The following PCSK7 variants were observed in gnomAD, a reference collection of about 807,000 sequenced individuals.
PCSK7 encodes lymphoma proprotein convertase.
A neutral mutation model predicts 73.3 loss-of-function variants in PCSK7; 38 were observed. The observed-to-expected ratio is 0.52, with a 90% CI of 0.40 to 0.68. The LOEUF (loss-of-function observed/expected upper bound fraction) is 0.68. Among genes scored for constraint, PCSK7 ranks in the 30% least tolerant of loss-of-function variants. The pLI, the probability that PCSK7 is intolerant of heterozygous loss-of-function variation, is 0.00. For missense variants in PCSK7, 692 were observed against 991.5 expected (o/e 0.70, Z 4.06); for synonymous variants, 296 against 383.8 (o/e 0.77, Z 2.68).
intron 4 of PCSK7, among the ~76,000 whole-genome samples, chr11:117,227,733 G>A (rs956321315): frequency 1.3e-5 from 2 of 152,098 alleles, no homozygotes; most frequent in Non-Finnish European, 2.9e-5. Context: ...GAGCCACCGC[G>A]CCCGGACCCA....
chr11:117,213,184 A>G (rs2031808215), intron 12 of PCSK7: 1 of 152,258 alleles, frequency 6.6e-6, no homozygotes, highest in South Asian at 2.1e-4. Context: ...GAAGGCAGGA[A>G]TAGTGTCTTA....
intron 1 of PCSK7, among the ~76,000 whole-genome samples, chr11:117,231,493 AG>A (rs1355258058): frequency 6.6e-6 from 1 of 152,194 alleles, no homozygotes; most frequent in Non-Finnish European, 1.5e-5. Context: ...TGGCCCCGCT[AG>A]GCAGACTCCT....
Position 117,224,221 on chromosome 11 carries a change from G to C in PCSK7, c.916-5C>G. ...CACCCCATGTTGTAAGGCAGCCTGA[G>C]GAGCCAAAACATCAGGGTGTCAGTT... is the stretch of plus-strand genomic sequence containing the variant. On this transcript the variant is annotated splice_polypyrimidine_tract_variant and splice_region_variant and intron_variant, in intron 7 of 16. Coordinates refer to ENST00000320934, the MANE Select transcript of PCSK7 (RefSeq NM_004716.4). The C allele has an allele frequency of 1.2e-6, 2 of 1,614,044 alleles. No homozygotes were observed. The highest frequency in any genetic ancestry group is 1.7e-6 in the Non-Finnish European group (2 of 1,179,952).
intron 12 of PCSK7, chr11:117,212,902 G>A (rs1317345325): frequency 6.6e-6 from 1 of 152,084 alleles, no homozygotes; most frequent in Non-Finnish European, 1.5e-5. Context: ...TTTTTGTAGA[G>A]ACAAGGTTTT....
chr11:117,229,343 C>A, intron 3 of PCSK7, 34 bp downstream of exon 3: 1 of 1,518,288 alleles, frequency 6.6e-7, no homozygotes, highest in Non-Finnish European at 9.0e-7. Context: ...GGAACCTACC[C>A]ACCTGAAACT....
intron 3 of PCSK7, among the ~76,000 whole-genome samples, chr11:117,228,703 C>A (rs2032525315): frequency 6.6e-6 from 1 of 150,906 alleles, no homozygotes; most frequent in Non-Finnish European, 1.5e-5. Flanking sequence ...TCACTGCAAG[C>A]TCCGCCTCCC....
intron 3 of PCSK7, among the ~76,000 whole-genome samples, chr11:117,229,096 G>C (rs1361338378): frequency 6.6e-6 from 1 of 152,220 alleles, no homozygotes; most frequent in Non-Finnish European, 1.5e-5. Context: ...CTGAGGCACA[G>C]AGTTTAAGCA....
At chr11:117,225,021 C>A in intron 6 of PCSK7, 2 of 371,894 alleles carry the variant, frequency 5.4e-6, no homozygotes, top group East Asian at 4.4e-5. Context: ...AGAGGTCACT[C>A]ATCTCCTGAT....
chr11:117,229,225 G>C (rs4938361), intron 3 of PCSK7, 152 bp downstream of exon 3: 118,343 of 690,716 alleles, frequency 0.17, 11,009 homozygotes, highest in African/African-American at 0.27. Flanking sequence ...ACAGTAGAAG[G>C]GAGGGAGAGC....
rs1433651366 is a variant in PCSK7, at chr11:117,204,368, G to A, written c.*1629C>T. On this transcript the variant is annotated 3_prime_UTR_variant, in exon 17 of 17. Transcript: ENST00000320934. The stretch of plus-strand genomic sequence containing the variant: ...GGCAGATCATCAGTTAGAGCGGAGA[G>A]GGCTAGCCCTGAGCCCGGCCCTCCC... 2.5e-6 allele frequency: 4 copies of A among 1,614,202 alleles called. No individual in the cohort carries two copies. In the South Asian group the frequency reaches 4.4e-5, roughly 18 times the overall value.
chr11:117,227,665 ACTCCT>A (rs1348800617), intron 4 of PCSK7, among the ~76,000 whole-genome samples: 1 of 151,878 alleles, frequency 6.6e-6, no homozygotes, highest in Non-Finnish European at 1.5e-5. Context: ...CTGGTCTCAA[ACTCCT>A]GACCTCCTGA....
intron 7 of PCSK7, 43 bp from the exon 8 acceptor site, chr11:117,224,259 G>A (rs752783500): frequency 1.2e-6 from 2 of 1,606,388 alleles, no homozygotes; most frequent in South Asian, 2.2e-5. Context: ...GGAACCCACA[G>A]AAAGACCTCC....
chr11:117,224,313 G>A (rs2032324826), intron 7 of PCSK7, 97 bp from the exon 8 acceptor site: 9 of 1,322,804 alleles, frequency 6.8e-6, no homozygotes, highest in Non-Finnish European at 9.5e-6. Context: ...TAGAAACAAA[G>A]GGAAAAAAGT....
Position 117,219,059 on chromosome 11 carries a change from T to C in PCSK7, c.1429A>G (p.Lys477Glu). ...CTGCCCTGCCAACACCTGTTCACCT[T>C]GGCTGCATTCACGAGCCTCCAGGCG... ...LNAWRLVNAA[K>E]IWTSVPYLAS... Residue 477 changes from lysine to glutamate, a missense_variant and splice_region_variant, in exon 11 of 17, where the codon AAG (lysine) becomes GAG (glutamate). Around this residue, in one of 6 missense-constraint regions of PCSK7, gnomAD observed 574 missense variants for 689.8 expected, o/e 0.83. Transcript: ENST00000320934. 6.2e-7 allele frequency: 1 copy of C among 1,605,636 alleles called. No individual in the cohort carries two copies. Among genetic ancestry groups the C allele is most frequent in the Non-Finnish European group, 8.5e-7 (1 of 1,177,348 alleles).
At chr11:117,229,945 C>A (rs2032581206) in intron 2 of PCSK7, 89 bp from the exon 3 acceptor site, 1 of 744,850 alleles carries the variant, frequency 1.3e-6, no homozygotes, top group Non-Finnish European at 2.1e-6. Flanking sequence ...TCCATGTGTT[C>A]CCCCTGGAAG....
chr11:117,225,952 A>C lies in PCSK7; in HGVS notation c.839T>G (p.Ile280Ser). The C allele has an allele frequency of 6.2e-7, 1 of 1,609,080 alleles. No homozygotes were observed. ...EAVAFNKHYQ[I>S]NDIYSCSWGP... ...TCACCTGCAGCTGTAGATGTCATTG[A>C]TCTGATAGTGCTTGTTGAACGCCAC... Residue 280 changes from isoleucine to serine, a missense_variant, in exon 6 of 17, where the codon ATC becomes AGC. This residue lies in a region of PCSK7 where 574 missense variants were observed against 689.8 expected (regional missense o/e 0.83). Transcript: ENST00000320934.
Position 117,228,307 on chromosome 11 carries a change from A to T in PCSK7, c.512T>A (p.Val171Glu). The T allele has an allele frequency of 6.2e-7, 1 of 1,613,942 alleles. No individual in the cohort carries two copies. The highest frequency in any genetic ancestry group is 8.5e-7 in the Non-Finnish European group (1 of 1,179,908). Residue 171 changes from valine to glutamate, a missense_variant, in exon 4 of 17, where the codon GTG (valine) becomes GAG (glutamate). Val to Glu is a moderately radical substitution (Grantham distance 121). Transcript: ENST00000320934. ...TCGCCCAGTCACATTGCGTTCCCAC[A>T]CACCCGTCACGTTGATGTCCCTGCC... Reference protein sequence around the residue: ...SPGRDINVTGVWERNVTGRGV... With the variant: ...SPGRDINVTGEWERNVTGRGV...
intron 12 of PCSK7, chr11:117,209,817 C>T (rs11820610): frequency 6.6e-6 from 1 of 152,528 alleles, no homozygotes; most frequent in Non-Finnish European, 1.5e-5. Flanking sequence ...ACACTCCAGC[C>T]TGGGCAACAG....
At chr11:117,223,438 C>T (rs1446384408) in intron 8 of PCSK7, 130 bp from the exon 9 acceptor site, 1 of 660,580 alleles carries the variant, frequency 1.5e-6, no homozygotes, top group African/African-American at 1.8e-5. Context: ...ATCTGAGCGG[C>T]CCACGTCCCT....
Sources: gnomAD v4.1 joint callset for allele counts (sites outside exome capture counted in the v4.1 genomes callset) on GRCh38, gnomAD v4.1.1 for gene constraint, gnomAD v4.1.1 regional missense constraint, MANE v1.5 for transcripts, NCBI Gene and HGNC (gene_info 2026-07-23, HGNC 2026-07-21) for gene names.